The following AOPEP variants were observed in gnomAD, a reference collection of about 807,000 sequenced individuals.
AOPEP encodes the protein aminopeptidase O.
A neutral mutation model predicts 98.1 loss-of-function variants in AOPEP; 77 were observed. The ratio of observed to expected loss-of-function variants is 0.78; its 90% CI spans 0.65 to 0.95. The LOEUF (loss-of-function observed/expected upper bound fraction) is 0.95, where lower values mean the gene tolerates loss of function less well. Among genes scored for constraint, AOPEP ranks in the 40% least tolerant of loss-of-function variants. AOPEP has a pLI of 0.00. For missense variants in AOPEP, 1,024 were observed against 1,024.7 expected, an observed-to-expected ratio of 1.00 and a Z score of 0.01; for synonymous variants, 346 against 365.3, an observed-to-expected ratio of 0.95 and a Z score of 0.60.
At chr9:95,082,536 C>T (rs1167112711) in intron 15 of AOPEP, 39 bp from the exon 16 acceptor site, 11 of 1,607,928 alleles carry the variant, frequency 6.8e-6, no homozygotes, top group Non-Finnish European at 3.4e-6. Context: ...TGGGTACCCA[C>T]ACCTTCGCCT....
At chr9:94,876,946 G>A (rs1418078830) in intron 5 of AOPEP, among the ~76,000 whole-genome samples, 1 of 152,102 alleles carries the variant, frequency 6.6e-6, no homozygotes, top group South Asian at 2.1e-4. Context: ...CAAAATCCAA[G>A]ATTTTTCCCA....
At chr9:94,964,165 G>A (rs1384102946) in intron 9 of AOPEP, among the ~76,000 whole-genome samples, 1 of 152,194 alleles carries the variant, frequency 6.6e-6, no homozygotes, top group Non-Finnish European at 1.5e-5. Context: ...GATGCCCAAG[G>A]TGTTAGGATT....
At chr9:95,150,213 ACT>A in the AOPEP span, 1 of 857,666 alleles carries the variant, frequency 1.2e-6, no homozygotes, top group African/African-American at 1.7e-5. Flanking sequence ...AAAGAGAATG[ACT>A]CTAACACCAT....
chr9:95,034,689 T>C (rs1444611678), intron 13 of AOPEP, among the ~76,000 whole-genome samples: 2 of 152,232 alleles, frequency 1.3e-5, no homozygotes, highest in African/African-American at 4.8e-5. Context: ...TACCCTTGTG[T>C]TTTTAATAGG....
At chr9:94,995,983 C>G (rs1208165355) in intron 11 of AOPEP, among the ~76,000 whole-genome samples, 6 of 152,144 alleles carry the variant, frequency 3.9e-5, no homozygotes. Flanking sequence ...AGTGCTGGAT[C>G]AAGTTCACAT....
At chr9:94,886,142 T>C (rs2048215813) in intron 5 of AOPEP, among the ~76,000 whole-genome samples, 1 of 151,978 alleles carries the variant, frequency 6.6e-6, no homozygotes, top group South Asian at 2.1e-4. Flanking sequence ...AACCCAAGGG[T>C]GAAAGCAATA....
intron 5 of AOPEP, among the ~76,000 whole-genome samples, chr9:94,898,634 A>C (rs2049917588): frequency 9.6e-6 from 1 of 104,116 alleles, no homozygotes; most frequent in Non-Finnish European, 2.0e-5. Flanking sequence ...TGTCTCAAAA[A>C]TAAAAAATAA....
intron 13 of AOPEP, among the ~76,000 whole-genome samples, chr9:95,032,362 C>T (rs1212479324): frequency 6.6e-6 from 1 of 152,232 alleles, no homozygotes; most frequent in African/African-American, 2.4e-5. Flanking sequence ...GAAGCCTGTC[C>T]ACCTCCCAGG....
chr9:95,054,395 ATGTACACGTGGT>A (rs1275714130), intron 13 of AOPEP, among the ~76,000 whole-genome samples: 2 of 152,202 alleles, frequency 1.3e-5, no homozygotes, highest in African/African-American at 4.8e-5. Context: ...TAAAATATTA[ATGTACACGTGGT>A]TGTAAGAGAT....
chr9:94,934,265 TTCCCTC>T (rs369921147), intron 7 of AOPEP, among the ~76,000 whole-genome samples: 13 of 143,772 alleles, frequency 9.0e-5, no homozygotes, highest in African/African-American at 3.3e-4. Context: ...CCTCCCTCCC[TTCCCTC>T]TCCCTCTCCC....
intron 11 of AOPEP, among the ~76,000 whole-genome samples, chr9:94,998,177 A>G (rs2061354472): frequency 6.6e-6 from 1 of 151,678 alleles, no homozygotes; most frequent in Non-Finnish European, 1.5e-5. Flanking sequence ...GATCTAATCC[A>G]TATAATGAAC....
Position 94,923,989 on chromosome 9 carries a change from A to T in AOPEP, c.1368A>T (p.Pro456=), listed in dbSNP as rs754378195. 1.2e-4 allele frequency: 172 copies of T among 1,439,190 alleles called. 1 individual carries two copies. Among genetic ancestry groups the T allele is most frequent in the Non-Finnish European group, 3.7e-6 (4 of 1,087,186 alleles). 89.2% of individuals were successfully genotyped at this position (1,439,190 alleles called of 1,614,324 possible). The change falls in exon 6 of 17, where the codon CCA becomes CCT. Residue 456 remains proline (P), a synonymous_variant. Transcript: ENST00000375315. The stretch of plus-strand genomic sequence containing the variant: ...TTTTCTCCCCCATTATCCACAGCCC[A>T]CACATCATGTTCCTCTCTCAGAGCA... ...ANFPSLGMAS[P]HIMFLSQSIL...
intron 13 of AOPEP, 117 bp from the exon 14 acceptor site, chr9:95,060,577 A>G: frequency 1.4e-6 from 1 of 731,220 alleles, no homozygotes; most frequent in Non-Finnish European, 2.5e-6. Flanking sequence ...CCATGTTGCC[A>G]ATATATGCTG....
Position 94,990,616 on chromosome 9 carries a change from TTAA to T in AOPEP, c.1977+11191_1977+11193del, listed in dbSNP as rs905021576. ...GTCAAAAGCAGATTATTTAATTTAA[TTAA>T]TTAATTAATTAATTAATTAATTTCT... On this transcript the variant is annotated intron_variant, in intron 11 of 16. Transcript: ENST00000375315. Among the ~76,000 whole-genome samples, 111 of 60,166 alleles carry T rather than the reference TTAA, an allele frequency of 1.8e-3. 2 individuals are homozygous for T. Among genetic ancestry groups the T allele is most frequent in the Admixed American group, 3.5e-3 (23 of 6,618 alleles). The allele number at this position is 60,166 out of a possible 152,430, so 39.5% of individuals were successfully genotyped here. A position where few individuals can be genotyped will look rare whatever the true frequency, so the allele number is the denominator to read the frequency against.
chr9:94,740,046 G>A (rs1832725072), intron 1 of AOPEP, among the ~76,000 whole-genome samples: 1 of 152,154 alleles, frequency 6.6e-6, no homozygotes, highest in Admixed American at 6.5e-5. Flanking sequence ...GAAGGAGGGG[G>A]TGCATCACGC....
intron 5 of AOPEP, among the ~76,000 whole-genome samples, chr9:94,812,900 A>C (rs980422073): frequency 1.3e-5 from 2 of 152,138 alleles, no homozygotes; most frequent in Non-Finnish European, 2.9e-5. Flanking sequence ...TGAAGCACCA[A>C]ATATAATTTA....
chr9:94,853,733 T>G (rs1340429725), intron 5 of AOPEP, among the ~76,000 whole-genome samples: 1 of 152,114 alleles, frequency 6.6e-6, no homozygotes, highest in Non-Finnish European at 1.5e-5. Flanking sequence ...GAAAACAAGG[T>G]ACAAGTCGCA....
At chr9:95,125,186 C>T in the AOPEP span, 1 of 1,612,656 alleles carries the variant, frequency 6.2e-7, no homozygotes, top group Non-Finnish European at 8.5e-7. Flanking sequence ...GAGTGCACAC[C>T]TGAACAATGC....
chr9:94,955,315 G>A (rs762468627), intron 8 of AOPEP, 36 bp downstream of exon 8: 26 of 1,360,912 alleles, frequency 1.9e-5, no homozygotes, highest in Admixed American at 5.5e-5. Context: ...CAGTGATTGT[G>A]GTGCAGCACT....
Sources: gnomAD v4.1 joint callset for allele counts (sites outside exome capture counted in the v4.1 genomes callset) on GRCh38, gnomAD v4.1.1 for gene constraint, MANE v1.5 for transcripts, NCBI Gene and HGNC (gene_info 2026-07-23, HGNC 2026-07-21) for gene names.